Variants in MAD2L1BP observed in about 807,000 individuals in gnomAD.
MAD2L1BP encodes MAD2L1 binding protein.
A neutral mutation model predicts 28.4 loss-of-function variants in MAD2L1BP; 22 were observed. The observed-to-expected ratio is 0.77, with a 90% CI of 0.55 to 1.10. The LOEUF (loss-of-function observed/expected upper bound fraction) is 1.10, where lower values mean the gene tolerates loss of function less well. MAD2L1BP is among the 50% of genes least tolerant of loss of function. The pLI, the probability that MAD2L1BP is intolerant of heterozygous loss-of-function variation, is 0.00. For synonymous variants in MAD2L1BP, 146 were observed against 133.7 expected (o/e 1.09, Z -0.63); for missense variants, 325 against 350.5 (o/e 0.93, Z 0.58).
Position 43,640,493 on chromosome 6 carries a change from G to A in MAD2L1BP, c.785G>A (p.Trp262Ter). Residue 262 changes from tryptophan to a stop codon, truncating the protein, a stop_gained, in exon 3 of 3, where the codon TGG (tryptophan) becomes TAG (stop). Transcript: ENST00000372171. LOFTEE classifies it high-confidence loss of function. Reference sequence around the variant, plus strand: ...ACCACGGCTTGGGAAGACTACATTTGGTTCCAGGCACCAGTGACATTTAAA... The same window carrying A: ...ACCACGGCTTGGGAAGACTACATTTAGTTCCAGGCACCAGTGACATTTAAA... ...IRTTAWEDYI[W>*]FQAPVTFKGF... is the part of the protein sequence containing the mutation. 6.2e-7 allele frequency: 1 copy of A among 1,607,754 alleles called. No homozygotes were observed. The highest frequency in any genetic ancestry group is 2.2e-5 in the East Asian group (1 of 44,774).
chr6:43,636,827 TTC>T, intron 2 of MAD2L1BP, 181 bp downstream of exon 2: 1 of 672,980 alleles, frequency 1.5e-6, no homozygotes, highest in South Asian at 2.0e-5. Flanking sequence ...TTTTCAACTG[TTC>T]TTTCTTTCTG....
In MAD2L1BP at chr6:43,630,606, G is replaced by A. The variant is rs1481156734; in HGVS notation, c.20+837G>A. Reference sequence around the variant, plus strand: ...AAAAATACAAAAATTAGCTGGGCGTGGTGGCGCATGCCTGTAATCCCGGCT... The same window carrying A: ...AAAAATACAAAAATTAGCTGGGCGTAGTGGCGCATGCCTGTAATCCCGGCT... On this transcript the variant is annotated intron_variant, in intron 1 of 3. Transcript: ENST00000451025. Among the ~76,000 whole-genome samples the A allele has an allele frequency of 1.1e-4, 17 of 152,130 alleles. 1 individual carries two copies. Among genetic ancestry groups the A allele is most frequent in the Admixed American group, 1.1e-3 (17 of 15,262 alleles).
At chr6:43,637,332 G>T (rs1350685961) in intron 2 of MAD2L1BP, among the ~76,000 whole-genome samples, 4 of 152,016 alleles carry the variant, frequency 2.6e-5, no homozygotes, top group African/African-American at 4.8e-5. Context: ...CTCCCAAAGT[G>T]CTGGGATTAC....
chr6:43,633,772 C>T (rs144339892), upstream of MAD2L1BP, among the ~76,000 whole-genome samples: 7,503 of 150,812 alleles, frequency 0.05, 268 homozygotes, highest in African/African-American at 0.096. Flanking sequence ...GGCAGTGGTG[C>T]GATCACAGCT....
chr6:43,635,500 T>C (rs1303977112), upstream of MAD2L1BP, among the ~76,000 whole-genome samples: 1 of 152,254 alleles, frequency 6.6e-6, no homozygotes, highest in Non-Finnish European at 1.5e-5. Flanking sequence ...GTGAACCCCT[T>C]GAGCACGGGG....
intron 2 of MAD2L1BP, among the ~76,000 whole-genome samples, chr6:43,639,313 G>T (rs1770437289): frequency 6.6e-6 from 1 of 152,022 alleles, no homozygotes; most frequent in Admixed American, 6.6e-5. Context: ...CTAATTTTTT[G>T]TATTTTTAGT....
upstream of MAD2L1BP, among the ~76,000 whole-genome samples, chr6:43,635,481 C>T (rs1435948278): frequency 1.3e-5 from 2 of 152,246 alleles, no homozygotes; most frequent in Non-Finnish European, 2.9e-5. Flanking sequence ...TGTATTGTAT[C>T]TACAGGCAGT....
At chr6:43,637,635 G>T (rs927610978) in intron 2 of MAD2L1BP, among the ~76,000 whole-genome samples, 7 of 151,946 alleles carry the variant, frequency 4.6e-5, no homozygotes, top group African/African-American at 1.2e-4. Context: ...GTTTCACTCT[G>T]TCACCCAGGC....
Position 43,640,144 on chromosome 6 carries a change from C to T in MAD2L1BP, c.436C>T (p.Leu146=). The T allele has an allele frequency of 6.2e-7, 1 of 1,612,986 alleles. No individual in the cohort carries two copies. Among genetic ancestry groups the T allele is most frequent in the Non-Finnish European group, 8.5e-7 (1 of 1,179,310 alleles). ...SHLEDFFART[L]VPRVLILLGG... ...CCTGGAGGACTTCTTTGCACGGACA[C>T]TAGTACCGCGAGTGCTGATTCTCCT... The change falls in exon 3 of 3, where the codon CTA becomes TTA. Residue 146 remains leucine (L), a synonymous_variant. Coordinates refer to ENST00000372171, the MANE Select transcript of MAD2L1BP (RefSeq NM_014628.3).
intron 2 of MAD2L1BP, among the ~76,000 whole-genome samples, chr6:43,639,408 G>A (rs1353598964): frequency 1.3e-5 from 2 of 152,148 alleles, no homozygotes; most frequent in Non-Finnish European, 2.9e-5. Flanking sequence ...CAAAGTGCTG[G>A]GATTACAGGC....
chr6:43,635,504 C>T (rs1175858138), upstream of MAD2L1BP, among the ~76,000 whole-genome samples: 1 of 152,262 alleles, frequency 6.6e-6, no homozygotes, highest in African/African-American at 2.4e-5. Context: ...ACCCCTTGAG[C>T]ACGGGGCCCG....
At chr6:43,636,819 T>G in intron 2 of MAD2L1BP, 173 bp downstream of exon 2, 1 of 699,624 alleles carries the variant, frequency 1.4e-6, no homozygotes, top group South Asian at 1.9e-5. Context: ...TTCTGGCTTT[T>G]TCAACTGTTC....
chr6:43,635,581 G>T (rs774789673), upstream of MAD2L1BP, among the ~76,000 whole-genome samples: 15 of 152,252 alleles, frequency 9.9e-5, no homozygotes, highest in South Asian at 1.0e-3. Flanking sequence ...GGTGCACAGT[G>T]AGTAGTGAAT....
chr6:43,636,842 A>T, intron 2 of MAD2L1BP, 196 bp downstream of exon 2: 1 of 625,354 alleles, frequency 1.6e-6, no homozygotes, highest in Non-Finnish European at 2.7e-6. Flanking sequence ...TCTTTCTGAA[A>T]CTCACGTGTT....
chr6:43,639,717 A>G (rs1029888980), intron 2 of MAD2L1BP, among the ~76,000 whole-genome samples: 4 of 152,186 alleles, frequency 2.6e-5, no homozygotes, highest in African/African-American at 7.2e-5. Flanking sequence ...TACAGCAAAA[A>G]TTTGTTGTCA....
rs768979304 is a variant in MAD2L1BP at position 43,636,458 on chromosome 6, C to G, written c.124C>G (p.Pro42Ala). 3.1e-6 allele frequency: 5 copies of G among 1,614,068 alleles called. No homozygotes were observed. Among genetic ancestry groups the G allele is most frequent in the Admixed American group, 3.3e-5 (2 of 59,994 alleles). Residue 42 changes from proline to alanine, a missense_variant, in exon 2 of 3, where the codon CCT becomes GCT. Transcript: ENST00000372171. ...ELLETSSTQE[P>A]LNASEAFCPR... Reference sequence around the variant, plus strand: ...ACTTGAGACAAGCTCTACGCAGGAACCTCTCAACGCTTCGGAGGCCTTTTG... The same window carrying G: ...ACTTGAGACAAGCTCTACGCAGGAAGCTCTCAACGCTTCGGAGGCCTTTTG...
At position 43,640,421 on chromosome 6, in the gene MAD2L1BP, G is replaced by A. The variant is rs945528556; in HGVS notation, c.713G>A (p.Gly238Asp). The A allele has an allele frequency of 6.8e-6, 11 of 1,613,796 alleles. No homozygotes were observed. Among genetic ancestry groups the A allele is most frequent in the Non-Finnish European group, 9.3e-6 (11 of 1,180,008 alleles). Residue 238 changes from glycine to aspartate, a missense_variant, in exon 3 of 3, where the codon GGC (glycine) becomes GAC (aspartate). Transcript: ENST00000372171. ...PKLNYRVPSR[G>D]HKLTVTLSCG... ...CTCAACTATCGAGTGCCCAGCCGGG[G>A]CCATAAACTGACTGTGACCCTGTCA...
upstream of MAD2L1BP, chr6:43,635,747 TC>T (rs1414147152): frequency 2.9e-5 from 25 of 875,928 alleles, no homozygotes; most frequent in Middle Eastern, 7.2e-4. Context: ...CCACTTAACC[TC>T]CCCCACACTG....
intron 1 of MAD2L1BP, among the ~76,000 whole-genome samples, chr6:43,630,191 C>T (rs554991324): frequency 1.3e-5 from 2 of 152,344 alleles, no homozygotes; most frequent in African/African-American, 2.4e-5. Context: ...GGATTTTTGG[C>T]TTTTGACTCT....
Sources: gnomAD v4.1 joint callset for allele counts (sites outside exome capture counted in the v4.1 genomes callset) on GRCh38, gnomAD v4.1.1 for gene constraint, MANE v1.5 for transcripts, NCBI Gene and HGNC (gene_info 2026-07-23, HGNC 2026-07-21) for gene names.